Variants in MDGA2 observed in about 807,000 individuals in gnomAD.
The protein encoded by MDGA2 is MAM domain containing glycosylphosphatidylinositol anchor 2.
A neutral mutation model predicts 117.8 loss-of-function variants in MDGA2; 40 were observed. The observed-to-expected ratio is 0.34, with a 90% confidence interval of 0.26 to 0.44. The LOEUF (loss-of-function observed/expected upper bound fraction) is 0.44. Among genes scored for constraint, MDGA2 ranks in the 20% least tolerant of loss-of-function variants. MDGA2 has a pLI of 1.00. For synonymous variants in MDGA2, 452 were observed against 439.0 expected (o/e 1.03, Z -0.37); for missense variants, 1,123 against 1,250.6 (o/e 0.90, Z 1.54).
At chr14:47,003,387 CTGTT>C (rs1479892380) in intron 8 of MDGA2, among the ~76,000 whole-genome samples, 1 of 151,864 alleles carries the variant, frequency 6.6e-6, no homozygotes, top group Non-Finnish European at 1.5e-5. Flanking sequence ...ACCTACCACA[CTGTT>C]TGCCACAATG....
At chr14:46,868,124 C>T (rs1881850843) in intron 14 of MDGA2, among the ~76,000 whole-genome samples, 1 of 151,758 alleles carries the variant, frequency 6.6e-6, no homozygotes, top group Non-Finnish European at 1.5e-5. Context: ...GGTTACTGCT[C>T]TCAAGGAGTT....
intron 1 of MDGA2, among the ~76,000 whole-genome samples, chr14:47,414,721 A>C (rs1279993128): frequency 6.6e-6 from 1 of 152,122 alleles, no homozygotes; most frequent in East Asian, 1.9e-4. Context: ...ATATATCACT[A>C]CTATGTTGAA....
intron 14 of MDGA2, among the ~76,000 whole-genome samples, chr14:46,859,397 C>A (rs541277493): frequency 1.6e-4 from 24 of 152,248 alleles, no homozygotes; most frequent in Admixed American, 1.4e-3. Flanking sequence ...ATGAGGGAAC[C>A]CCATACAGAC....
chr14:47,465,517 A>G (rs183584906), intron 1 of MDGA2, among the ~76,000 whole-genome samples: 163 of 152,324 alleles, frequency 1.1e-3, no homozygotes, highest in Non-Finnish European at 1.2e-3. Context: ...AATGTAAGCA[A>G]AGGTCATGAA....
chr14:47,493,410 G>A (rs1894213831), intron 1 of MDGA2, among the ~76,000 whole-genome samples: 1 of 151,796 alleles, frequency 6.6e-6, no homozygotes, highest in African/African-American at 2.4e-5. Flanking sequence ...TCGCCTCCCA[G>A]GCTCAAGCAA....
intron 10 of MDGA2, among the ~76,000 whole-genome samples, chr14:46,908,542 A>G (rs1491904): frequency 0.059 from 8,923 of 152,256 alleles, 380 homozygotes; most frequent in South Asian, 0.12. Flanking sequence ...GATTCTCATA[A>G]GTTCTTATTC....
At chr14:47,080,351 C>G (rs1294942964) in intron 6 of MDGA2, among the ~76,000 whole-genome samples, 1 of 152,056 alleles carries the variant, frequency 6.6e-6, no homozygotes, top group African/African-American at 2.4e-5. Flanking sequence ...TCCATGGAGA[C>G]TTTGGAAAGG....
intron 7 of MDGA2, among the ~76,000 whole-genome samples, chr14:47,047,663 G>A (rs1374574710): frequency 6.6e-6 from 1 of 151,864 alleles, no homozygotes; most frequent in Non-Finnish European, 1.5e-5. Flanking sequence ...TTATTACTAT[G>A]TTTTCTTATC....
chr14:46,941,488 C>G (rs1259119586), intron 9 of MDGA2, among the ~76,000 whole-genome samples: 3 of 152,154 alleles, frequency 2.0e-5, no homozygotes, highest in Non-Finnish European at 1.5e-5. Flanking sequence ...GGAACACACT[C>G]TGCACTGTTC....
chr14:47,208,118 G>T (rs1885752955), intron 3 of MDGA2, among the ~76,000 whole-genome samples: 1 of 151,922 alleles, frequency 6.6e-6, no homozygotes, highest in African/African-American at 2.4e-5. Context: ...TAATTTTAAA[G>T]AGCTTCTTAT....
intron 3 of MDGA2, among the ~76,000 whole-genome samples, chr14:47,168,716 G>A (rs1253297396): frequency 6.6e-6 from 1 of 151,998 alleles, no homozygotes. Flanking sequence ...TTAAGAAACT[G>A]CCTCAAAGTC....
At chr14:46,874,562 T>C (rs758391111) in intron 12 of MDGA2, among the ~76,000 whole-genome samples, 3 of 151,852 alleles carry the variant, frequency 2.0e-5, no homozygotes, top group Non-Finnish European at 4.4e-5. Context: ...AAACTGTCAA[T>C]TGGAAAATTA....
At chr14:47,048,441 A>G (rs1889340643) in intron 7 of MDGA2, among the ~76,000 whole-genome samples, 1 of 152,134 alleles carries the variant, frequency 6.6e-6, no homozygotes, top group Admixed American at 6.6e-5. Flanking sequence ...AATGGCCAGA[A>G]AAAATCAAAA....
At chr14:47,260,840 C>T (rs920244973) in intron 2 of MDGA2, among the ~76,000 whole-genome samples, 10 of 151,864 alleles carry the variant, frequency 6.6e-5, no homozygotes, top group East Asian at 3.9e-4. Context: ...GTACATAGTA[C>T]GTTGTACTAT....
intron 1 of MDGA2, among the ~76,000 whole-genome samples, chr14:47,375,060 A>G (rs775828601): frequency 8.6e-5 from 13 of 152,044 alleles, no homozygotes; most frequent in Non-Finnish European, 1.9e-4. Flanking sequence ...TTACTTGGTT[A>G]CTTAACCTTT....
chr14:46,920,195 G>T, intron 9 of MDGA2, 35 bp from the exon 10 acceptor site: 2 of 1,595,634 alleles, frequency 1.3e-6, no homozygotes, highest in South Asian at 2.3e-5. Flanking sequence ...TTTGAATGAT[G>T]ACATATTGTA....
chr14:47,653,735 CAG>C (rs778512222), intron 1 of MDGA2, among the ~76,000 whole-genome samples: 6 of 152,048 alleles, frequency 3.9e-5, no homozygotes, highest in Admixed American at 1.3e-4. Context: ...TCAAGGGTCT[CAG>C]AAAGTGCAAG....
At chr14:47,037,925 C>T (rs1006149475) in intron 7 of MDGA2, among the ~76,000 whole-genome samples, 2 of 152,094 alleles carry the variant, frequency 1.3e-5, no homozygotes, top group African/African-American at 2.4e-5. Context: ...ATTAATTTTA[C>T]CTTTTGTTGA....
At chr14:47,416,820 A>C (rs961817616) in intron 1 of MDGA2, among the ~76,000 whole-genome samples, 10 of 152,184 alleles carry the variant, frequency 6.6e-5, no homozygotes, top group African/African-American at 2.4e-4. Flanking sequence ...GCTAAAGAGC[A>C]CTATGCCAGA....
Sources: gnomAD v4.1 joint callset for allele counts (sites outside exome capture counted in the v4.1 genomes callset) on GRCh38, gnomAD v4.1.1 for gene constraint, MANE v1.5 for transcripts, NCBI Gene and HGNC (gene_info 2026-07-23, HGNC 2026-07-21) for gene names.